GRIK3: variants seen among roughly 807,000 people sequenced by gnomAD.
GRIK3 encodes the protein glutamate ionotropic receptor kainate type subunit 3.
In GRIK3, 29 loss-of-function variants were observed where a neutral mutation model predicts 102.5. The observed-to-expected ratio is 0.28, with a 90% confidence interval of 0.21 to 0.39. The LOEUF is 0.39. Among genes scored for constraint, GRIK3 ranks in the 10% least tolerant of loss-of-function variants. The pLI is 1.00. For synonymous variants in GRIK3, 511 were observed against 504.9 expected (o/e 1.01, Z -0.16); for missense variants, 908 against 1,252.4 (o/e 0.73, Z 4.15).
chr1:37,034,200 C>T lies in GRIK3; in HGVS notation c.-92G>A, dbSNP rs1447646180. 1 of 304,284 alleles carries T rather than the reference C, an allele frequency of 3.3e-6. No homozygotes were observed. Among genetic ancestry groups the T allele is most frequent in the Non-Finnish European group, 5.8e-6 (1 of 173,334 alleles). The allele number at this position is 304,284 out of a possible 1,614,324, so 18.8% of individuals were successfully genotyped here. A position where few individuals can be genotyped will look rare whatever the true frequency, so the allele number is the denominator to read the frequency against. ...CGCGGGCGCGCAGCAGCCCCGAAGGCGCCGCCTGGCCCAGCCGCCCGGCTC... is the reference window on the plus strand; with the variant it reads ...CGCGGGCGCGCAGCAGCCCCGAAGGTGCCGCCTGGCCCAGCCGCCCGGCTC... On this transcript the variant is annotated 5_prime_UTR_variant, in exon 1 of 16. Transcript: ENST00000373091.
chr1:36,974,721 AC>A (rs1052176561), intron 1 of GRIK3, among the ~76,000 whole-genome samples: 1 of 150,138 alleles, frequency 6.7e-6, no homozygotes, highest in Non-Finnish European at 1.5e-5. Flanking sequence ...AATGGTGTGG[AC>A]CCAGGAGGCG....
At chr1:36,912,595 G>A (rs1319053301) in intron 1 of GRIK3, among the ~76,000 whole-genome samples, 1 of 152,004 alleles carries the variant, frequency 6.6e-6, no homozygotes, top group Non-Finnish European at 1.5e-5. Context: ...TTGCATTTGG[G>A]GGTCCTTGAC....
chr1:36,850,576 T>C lies in GRIK3; in HGVS notation c.1213-152A>G, dbSNP rs1406361096. ...ACCACTGCCATTGTGTTTCCAGTTA[T>C]AACCGTTCTGGACAACATCCCTGCA... is the stretch of plus-strand genomic sequence containing the variant. On this transcript the variant is annotated intron_variant, in intron 8 of 15. Coordinates refer to ENST00000373091, the MANE Select transcript of GRIK3 (RefSeq NM_000831.4). This position sits in a 1 kb window ranked among gnomAD's most constrained non-coding sequence, Gnocchi z 4.0. 2 of 638,942 alleles carry C rather than the reference T, an allele frequency of 3.1e-6. No individual in the cohort carries two copies. Among genetic ancestry groups the C allele is most frequent in the African/African-American group, 1.8e-5 (1 of 55,828 alleles). 39.6% of individuals were successfully genotyped at this position (638,942 alleles called of 1,614,324 possible). A position where few individuals can be genotyped will look rare whatever the true frequency, so the allele number is the denominator to read the frequency against.
intron 5 of GRIK3, among the ~76,000 whole-genome samples, chr1:36,867,368 C>T (rs761578574): frequency 1.1e-4 from 17 of 152,152 alleles, no homozygotes; most frequent in Non-Finnish European, 2.5e-4. Context: ...TCTCCAGAAT[C>T]TTGCCCATCA....
In GRIK3 at chr1:36,912,158, T is replaced by C. The variant is rs187090699; in HGVS notation, c.116-21062A>G. Among the ~76,000 whole-genome samples the C allele has an allele frequency of 2.4e-3, 362 of 152,206 alleles. 1 individual carries two copies. The highest frequency in any genetic ancestry group is 8.5e-3 in the African/African-American group (353 of 41,526). On this transcript the variant is annotated intron_variant, in intron 1 of 15. Transcript: ENST00000373091. ...CTCTGGGTTTCGTCCTGGGTCACGC[T>C]TTTCTCTTCTGAGCCTTGTGCAACA...
At position 36,872,572 on chromosome 1, in the gene GRIK3, T is replaced by C. The variant is rs1640854666; in HGVS notation, c.551-203A>G. ...GTGTGTGCACATACAAACACATGGC[T>C]ACACGCACGTGCATGTCAATATGGG... On this transcript the variant is annotated intron_variant, in intron 3 of 15. Coordinates refer to ENST00000373091, the MANE Select transcript of GRIK3 (RefSeq NM_000831.4). This position sits in a 1 kb window ranked among gnomAD's most constrained non-coding sequence, Gnocchi z 5.9. Among the ~76,000 whole-genome samples the C allele has an allele frequency of 6.6e-6, 1 of 152,184 alleles. No individual in the cohort carries two copies. Among genetic ancestry groups the C allele is most frequent in the African/African-American group, 2.4e-5 (1 of 41,454 alleles).
At chr1:36,945,818 G>T (rs1641777039) in intron 1 of GRIK3, among the ~76,000 whole-genome samples, 1 of 152,214 alleles carries the variant, frequency 6.6e-6, no homozygotes, top group Admixed American at 6.5e-5. Flanking sequence ...GCTGATGAAT[G>T]GGGACTCTGG....
chr1:36,931,704 T>C (rs1436392816), intron 1 of GRIK3, among the ~76,000 whole-genome samples: 1 of 152,164 alleles, frequency 6.6e-6, no homozygotes, highest in African/African-American at 2.4e-5. Context: ...TCTTCCTAAT[T>C]TGGCATCAGG....
chr1:36,979,377 G>A (rs1384375702), intron 1 of GRIK3, among the ~76,000 whole-genome samples: 3 of 152,216 alleles, frequency 2.0e-5, no homozygotes, highest in Non-Finnish European at 4.4e-5. Context: ...GGCTGGTTTT[G>A]GTCTCTTGAC....
At chr1:36,984,791 A>C (rs1299062135) in intron 1 of GRIK3, among the ~76,000 whole-genome samples, 1 of 152,222 alleles carries the variant, frequency 6.6e-6, no homozygotes, top group Non-Finnish European at 1.5e-5. Flanking sequence ...TGTGAGGTGC[A>C]GAGCCCAGGC....
chr1:36,825,932 C>T, intron 10 of GRIK3, 106 bp from the exon 11 acceptor site: 2 of 781,826 alleles, frequency 2.6e-6, no homozygotes, highest in Non-Finnish European at 2.1e-6. Context: ...TCAGTTGTCC[C>T]AGCCCCAGGT....
At chr1:36,973,578 C>G (rs532720187) in intron 1 of GRIK3, among the ~76,000 whole-genome samples, 2 of 142,272 alleles carry the variant, frequency 1.4e-5, no homozygotes, top group Admixed American at 1.4e-4. Flanking sequence ...CGCCACCACG[C>G]CCGGCTAATT....
At chr1:37,020,418 A>T (rs1642697658) in intron 1 of GRIK3, among the ~76,000 whole-genome samples, 1 of 152,206 alleles carries the variant, frequency 6.6e-6, no homozygotes, top group Non-Finnish European at 1.5e-5. Context: ...CACACAAAAT[A>T]CTTTTAAGAA....
intron 1 of GRIK3, among the ~76,000 whole-genome samples, chr1:37,031,427 A>T (rs1642826911): frequency 1.3e-5 from 2 of 152,256 alleles, no homozygotes; most frequent in South Asian, 2.1e-4. Flanking sequence ...ACTCTGTCAC[A>T]CTGCTGAGCT....
chr1:36,827,543 C>T (rs985285372), intron 10 of GRIK3, among the ~76,000 whole-genome samples: 2 of 152,198 alleles, frequency 1.3e-5, no homozygotes, highest in African/African-American at 4.8e-5. Context: ...TGAACTCCAA[C>T]AGACACCAGG....
chr1:36,962,413 G>A (rs576581901), intron 1 of GRIK3, among the ~76,000 whole-genome samples: 1 of 152,124 alleles, frequency 6.6e-6, no homozygotes, highest in South Asian at 2.1e-4. Context: ...GTACATGCAT[G>A]CCCCAGGGGT....
chr1:36,979,832 G>GT (rs1475333906), intron 1 of GRIK3, among the ~76,000 whole-genome samples: 1 of 152,246 alleles, frequency 6.6e-6, no homozygotes, highest in Non-Finnish European at 1.5e-5. Flanking sequence ...CCTGGCTCAA[G>GT]TTTCACAGGG....
chr1:36,822,858 T>C (rs1642710630), intron 11 of GRIK3, among the ~76,000 whole-genome samples: 1 of 152,168 alleles, frequency 6.6e-6, no homozygotes, highest in Admixed American at 6.5e-5. Flanking sequence ...AAGCACCCCC[T>C]GCTCCCTTCC....
chr1:36,957,504 A>ATGACTCTGTGCCCCT (rs1641931830), intron 1 of GRIK3, among the ~76,000 whole-genome samples: 1 of 88,944 alleles, frequency 1.1e-5, no homozygotes, highest in Non-Finnish European at 2.3e-5. Flanking sequence ...TGTGTGCCCC[A>ATGACTCTGTGCCCCT]TGACTCTGTG....
Sources: gnomAD v4.1 joint callset for allele counts (sites outside exome capture counted in the v4.1 genomes callset) on GRCh38, gnomAD v4.1.1 for gene constraint, Gnocchi (gnomAD v3.1) non-coding constraint, MANE v1.5 for transcripts, NCBI Gene and HGNC (gene_info 2026-07-23, HGNC 2026-07-21) for gene names.